Variants in ZNF568 observed in about 807,000 individuals in gnomAD.
ZNF568 encodes the protein zinc finger protein 568.
Under a neutral mutation model 18.1 loss-of-function variants are expected in ZNF568, and 11 were observed. The observed-to-expected ratio is 0.61, with a 90% CI of 0.38 to 1.00. The LOEUF (loss-of-function observed/expected upper bound fraction) is 1.00. Ranked by LOEUF, ZNF568 falls within the 50% of genes least tolerant of loss-of-function variation. The pLI, the probability that ZNF568 is intolerant of heterozygous loss-of-function variation, is 0.01. For missense variants in ZNF568, 639 were observed against 768.2 expected (o/e 0.83, Z 1.99); for synonymous variants, 213 against 246.6 (o/e 0.86, Z 1.28).
rs1158141316 is a variant in ZNF568 at position 36,951,878 on chromosome 19, C to G, written c.*790C>G. The G allele has an allele frequency of 1.1e-6, 1 of 940,990 alleles. No individual in the cohort carries two copies. The highest frequency in any genetic ancestry group is 1.3e-6 in the Non-Finnish European group (1 of 790,166). 58.3% of individuals were successfully genotyped at this position (940,990 alleles called of 1,614,324 possible). A position where few individuals can be genotyped will look rare whatever the true frequency, so the allele number is the denominator to read the frequency against. On this transcript the variant is annotated 3_prime_UTR_variant, in exon 7 of 7. Transcript: ENST00000333987. ...TCCTGACTTCAAAAGTGATCGCCCT[C>G]TTTGGCCTCCCAAAGTGCTGGGGTT...
At chr19:36,993,194 T>A (rs1015090675) in intron 4 of ZNF568, among the ~76,000 whole-genome samples, 1 of 152,368 alleles carries the variant, frequency 6.6e-6, no homozygotes, top group Admixed American at 6.5e-5. Context: ...TTTCTGCATC[T>A]ATTAAGACAT....
At chr19:36,986,268 G>A (rs1203878846) in intron 2 of ZNF568, among the ~76,000 whole-genome samples, 3 of 152,076 alleles carry the variant, frequency 2.0e-5, no homozygotes, top group African/African-American at 7.2e-5. Context: ...TACTCTAAGG[G>A]CGTGGTTCTA....
At position 36,952,691 on chromosome 19, in the gene ZNF568, G is replaced by A; in HGVS notation, c.*1603G>A. On this transcript the variant is annotated 3_prime_UTR_variant, in exon 7 of 7. Transcript: ENST00000333987. The stretch of plus-strand genomic sequence containing the variant: ...GTAGTTTTTATACCTTAAAAAGACT[G>A]GTAGCATATAAAATAAATCTTAAAA... 1 of 591,244 alleles carries A rather than the reference G, an allele frequency of 1.7e-6. No homozygotes were observed. Among genetic ancestry groups the A allele is most frequent in the Non-Finnish European group, 2.1e-6 (1 of 469,998 alleles). 36.6% of individuals were successfully genotyped at this position (591,244 alleles called of 1,614,324 possible).
chr19:36,974,514 G>T, intron 7 of ZNF568: 2 of 1,489,214 alleles, frequency 1.3e-6, no homozygotes, highest in Non-Finnish European at 1.8e-6. Flanking sequence ...TGGTTTTCAG[G>T]ACAGTGTCCT....
Position 36,950,829 on chromosome 19 carries a change from A to T in ZNF568, c.1676A>T (p.Lys559Ile), listed in dbSNP as rs772055406. The change falls in exon 7 of 7, where the codon AAA becomes ATA. Residue 559 changes from lysine (K) to isoleucine (I), a missense_variant. Lys to Ile is a moderately radical substitution (Grantham distance 102). Transcript: ENST00000333987. Reference sequence around the variant, plus strand: ...ATTCATACTGGAGAGAAACCATTCAAATGTAATGAATGTGGTAAAGCCTTC... The same window carrying T: ...ATTCATACTGGAGAGAAACCATTCATATGTAATGAATGTGGTAAAGCCTTC... The part of the protein sequence containing the change: ...EKIHTGEKPF[K>I]CNECGKAFSR... 24 of 1,613,476 alleles carry T rather than the reference A, an allele frequency of 1.5e-5. No individual in the cohort carries two copies. The highest frequency in any genetic ancestry group is 2.0e-5 in the Non-Finnish European group (24 of 1,179,926).
chr19:36,926,807 T>C (rs1332526472), intron 4 of ZNF568, among the ~76,000 whole-genome samples: 1 of 150,008 alleles, frequency 6.7e-6, no homozygotes, highest in Non-Finnish European at 1.5e-5. Flanking sequence ...GTACATATTA[T>C]TTAAATTTTT....
intron 2 of ZNF568, among the ~76,000 whole-genome samples, chr19:36,986,434 G>C (rs1413555131): frequency 3.9e-5 from 6 of 152,276 alleles, no homozygotes; most frequent in Non-Finnish European, 2.9e-5. Flanking sequence ...ATAAGCCTCA[G>C]TGGCTCAGCT....
rs758710622 is a variant in ZNF568 at position 36,951,099 on chromosome 19, G to A, written c.*11G>A. 17 of 1,489,350 alleles carry A rather than the reference G, an allele frequency of 1.1e-5. No individual in the cohort carries two copies. Among genetic ancestry groups the A allele is most frequent in the Non-Finnish European group, 1.3e-5 (15 of 1,122,290 alleles). The allele number at this position is 1,489,350 out of a possible 1,614,324, so 92.3% of individuals were successfully genotyped here. On this transcript the variant is annotated 3_prime_UTR_variant, in exon 7 of 7. Transcript: ENST00000333987. Reference sequence around the variant, plus strand: ...CACCAAGTATATTAAATGAAAGAAGGCCTCTTAAATTCAACCCATGTTTTA... The same window carrying A: ...CACCAAGTATATTAAATGAAAGAAGACCTCTTAAATTCAACCCATGTTTTA...
downstream of ZNF568, among the ~76,000 whole-genome samples, chr19:36,984,404 AAC>A (rs752972098): frequency 2.6e-5 from 4 of 152,166 alleles, no homozygotes; most frequent in Non-Finnish European, 4.4e-5. Flanking sequence ...ATACTTTCTT[AAC>A]TTACTAGTGT....
intron 4 of ZNF568, among the ~76,000 whole-genome samples, chr19:36,933,282 C>G (rs1210479414): frequency 1.3e-5 from 2 of 151,830 alleles, no homozygotes; most frequent in Non-Finnish European, 2.9e-5. Flanking sequence ...GTTGAAAAGA[C>G]TATTCTCTTC....
downstream of ZNF568, chr19:36,997,604 A>G: frequency 6.5e-7 from 1 of 1,548,816 alleles, no homozygotes; most frequent in Non-Finnish European, 8.7e-7. Context: ...AGTTGACACC[A>G]GAAAATTCAT....
At chr19:36,991,381 T>C in intron 3 of ZNF568, 2 of 1,425,828 alleles carry the variant, frequency 1.4e-6, no homozygotes, top group Non-Finnish European at 1.8e-6. Flanking sequence ...TTCTTTTTTC[T>C]GAGTTTGTCC....
intron 3 of ZNF568, chr19:36,991,421 A>G: frequency 7.8e-7 from 1 of 1,276,976 alleles, no homozygotes; most frequent in Non-Finnish European, 1.0e-6. Flanking sequence ...TGGATGAGTT[A>G]ATGTTTCTTG....
chr19:36,945,865 G>A (rs1307312308), intron 6 of ZNF568, among the ~76,000 whole-genome samples: 3 of 151,768 alleles, frequency 2.0e-5, no homozygotes, highest in Admixed American at 1.3e-4. Flanking sequence ...AGGCTGGGGC[G>A]GGCGGATCAT....
intron 4 of ZNF568, among the ~76,000 whole-genome samples, chr19:36,932,477 C>G (rs2073704147): frequency 6.6e-6 from 1 of 152,084 alleles, no homozygotes; most frequent in Non-Finnish European, 1.5e-5. Flanking sequence ...GTAATCCTAG[C>G]TACTTGGGAA....
intron 6 of ZNF568, among the ~76,000 whole-genome samples, chr19:36,960,250 TG>T (rs1434035703): frequency 2.0e-5 from 3 of 151,262 alleles, no homozygotes; most frequent in African/African-American, 7.3e-5. Flanking sequence ...CCCGAGTACC[TG>T]GGATTACAGG....
intron 6 of ZNF568, among the ~76,000 whole-genome samples, chr19:36,966,150 A>G (rs2146327098): frequency 6.6e-6 from 1 of 152,116 alleles, no homozygotes; most frequent in Non-Finnish European, 1.5e-5. Flanking sequence ...GTTGGAAGTG[A>G]TTGTCCATGC....
At chr19:36,937,092 C>G in intron 5 of ZNF568, 55 bp from the exon 6 acceptor site, 1 of 1,559,284 alleles carries the variant, frequency 6.4e-7, no homozygotes, top group Non-Finnish European at 8.8e-7. Flanking sequence ...AGCCTAAGAT[C>G]TGAATGGTTG....
At chr19:36,979,526 C>T (rs1227104514) in exon 8 of ZNF568, 1 of 152,072 alleles carries the variant, frequency 6.6e-6, no homozygotes, top group African/African-American at 2.4e-5. Context: ...GTTTATTTTC[C>T]TGTTCTAATT....
Sources: gnomAD v4.1 joint callset for allele counts (sites outside exome capture counted in the v4.1 genomes callset) on GRCh38, gnomAD v4.1.1 for gene constraint, MANE v1.5 for transcripts, NCBI Gene and HGNC (gene_info 2026-07-23, HGNC 2026-07-21) for gene names.